Variants in LHFPL3 observed in about 807,000 individuals in gnomAD.
LHFPL3 encodes LHFPL tetraspan subfamily member 3.
A neutral mutation model predicts 19.3 loss-of-function variants in LHFPL3; 5 were observed. The ratio of observed to expected loss-of-function variants is 0.26; its 90% confidence interval spans 0.14 to 0.54. LHFPL3 has a LOEUF of 0.54. LHFPL3 is among the 20% of genes least tolerant of loss of function. The pLI is 0.94. For missense variants in LHFPL3, 249 were observed against 307.4 expected, an observed-to-expected ratio of 0.81 and a Z score of 1.42; for synonymous variants, 133 against 126.2, an observed-to-expected ratio of 1.05 and a Z score of -0.36.
At chr7:104,850,279 G>A (rs1791392830) in intron 2 of LHFPL3, among the ~76,000 whole-genome samples, 1 of 152,230 alleles carries the variant, frequency 6.6e-6, no homozygotes, top group Admixed American at 6.5e-5. Context: ...TCCAGCCTGG[G>A]CAACAAGAGT....
At chr7:104,676,073 A>G (rs1315395912) in intron 1 of LHFPL3, among the ~76,000 whole-genome samples, 2 of 152,238 alleles carry the variant, frequency 1.3e-5, no homozygotes. Flanking sequence ...TTAGAGTCCA[A>G]TTAATGAGGA....
chr7:104,474,634 T>G (rs1792972508), intron 1 of LHFPL3, among the ~76,000 whole-genome samples: 2 of 129,208 alleles, frequency 1.5e-5, no homozygotes, highest in Admixed American at 2.0e-4. Flanking sequence ...GCCTCTGCAC[T>G]CCAGCCTGGG....
rs1454991835 is a variant in LHFPL3, at chr7:104,908,212, A to G, written c.*1997A>G. On this transcript the variant is annotated 3_prime_UTR_variant, in exon 3 of 3. Coordinates refer to ENST00000424859, the MANE Select transcript of LHFPL3 (RefSeq NM_199000.3). ...AACAGTGGTATGAACAAAACTAAGA[A>G]AGTACTTCCTATCCACATGTGAATG... Among the ~76,000 whole-genome samples the G allele has an allele frequency of 6.6e-6, 1 of 152,200 alleles. No individual in the cohort carries two copies. The highest frequency in any genetic ancestry group is 1.5e-5 in the Non-Finnish European group (1 of 68,034).
chr7:104,450,393 A>G (rs1290077131), intron 1 of LHFPL3, among the ~76,000 whole-genome samples: 3 of 152,214 alleles, frequency 2.0e-5, no homozygotes, highest in African/African-American at 4.8e-5. Context: ...TCCATAGTGT[A>G]TATGTACCAC....
intron 1 of LHFPL3, among the ~76,000 whole-genome samples, chr7:104,730,523 G>T (rs1338619381): frequency 2.6e-5 from 4 of 152,112 alleles, no homozygotes; most frequent in Non-Finnish European, 2.9e-5. Flanking sequence ...TCATGTGTCT[G>T]GTGGCTGCAT....
At position 104,746,929 on chromosome 7, in the gene LHFPL3, A is replaced by T. The variant is rs145974113; in HGVS notation, c.682+10018A>T. On this transcript the variant is annotated intron_variant, in intron 2 of 2. Transcript: ENST00000424859. ...GCTGTCTCCCTTTGTTCCTAATATC[A>T]CTGAATCATCAAGGAGGCCTCATGA... is the stretch of plus-strand genomic sequence containing the variant. Among the ~76,000 whole-genome samples, 339 of 152,162 alleles carry T rather than the reference A, an allele frequency of 2.2e-3. 1 individual carries two copies. Among genetic ancestry groups the T allele is most frequent in the African/African-American group, 7.5e-3 (311 of 41,508 alleles).
At chr7:104,758,327 C>G (rs1745037582) in intron 2 of LHFPL3, among the ~76,000 whole-genome samples, 1 of 152,132 alleles carries the variant, frequency 6.6e-6, no homozygotes. Context: ...ATGTAACAAA[C>G]CTGCACATGT....
At chr7:104,379,747 AGAT>A (rs773484800) in intron 1 of LHFPL3, among the ~76,000 whole-genome samples, 43 of 152,254 alleles carry the variant, frequency 2.8e-4, no homozygotes, top group Non-Finnish European at 4.9e-4. Context: ...GGGTAAAGAG[AGAT>A]GGAGGGAAAG....
chr7:104,409,804 G>A (rs560342741), intron 1 of LHFPL3, among the ~76,000 whole-genome samples: 4 of 152,080 alleles, frequency 2.6e-5, no homozygotes, highest in Admixed American at 1.3e-4. Context: ...TTGTGTGTCT[G>A]ACAATGTCTC....
chr7:104,572,614 A>G lies in LHFPL3; in HGVS notation c.446-164061A>G, dbSNP rs188155679. 3.3e-5 allele frequency among the ~76,000 whole-genome samples: 5 copies of G among 152,266 alleles called. No homozygotes were observed. In the East Asian group the frequency reaches 9.7e-4, roughly 29 times the overall value. Reference sequence around the variant, plus strand: ...TGAAAAATGCAATCTACTGTGTTGTATATCTGCTTGATGATTTTGGAAAAG... The same window carrying G: ...TGAAAAATGCAATCTACTGTGTTGTGTATCTGCTTGATGATTTTGGAAAAG... On this transcript the variant is annotated intron_variant, in intron 1 of 2. Transcript: ENST00000424859.
At chr7:104,677,898 A>T (rs1243859287) in intron 1 of LHFPL3, among the ~76,000 whole-genome samples, 3 of 152,224 alleles carry the variant, frequency 2.0e-5, no homozygotes, top group Admixed American at 1.3e-4. Flanking sequence ...ATTTTCATTG[A>T]GTTAAATTTA....
intron 1 of LHFPL3, among the ~76,000 whole-genome samples, chr7:104,440,038 G>GT (rs71153197): frequency 0.15 from 21,658 of 140,206 alleles, 2,307 homozygotes; most frequent in African/African-American, 0.31. Flanking sequence ...CAAAGCCTGG[G>GT]GGGGGGGAGG....
At chr7:104,715,375 T>TC (rs1243829461) in intron 1 of LHFPL3, among the ~76,000 whole-genome samples, 2 of 152,224 alleles carry the variant, frequency 1.3e-5, no homozygotes, top group Non-Finnish European at 2.9e-5. Context: ...CACATTTACT[T>TC]TGAACAATTT....
At chr7:104,438,719 A>G (rs1026951303) in intron 1 of LHFPL3, among the ~76,000 whole-genome samples, 19 of 152,186 alleles carry the variant, frequency 1.2e-4, no homozygotes, top group African/African-American at 4.1e-4. Flanking sequence ...AAACAAATCC[A>G]AAAGTAAGTA....
rs576093209 is a variant in LHFPL3 at position 104,496,624 on chromosome 7, A to T, written c.445+167400A>T. Among the ~76,000 whole-genome samples the T allele has an allele frequency of 1.6e-4, 24 of 152,246 alleles. 1 individual carries two copies. The South Asian group carries it at 2.3e-3, about 15-fold the overall frequency. On this transcript the variant is annotated intron_variant, in intron 1 of 2. Transcript: ENST00000424859. ...GTTCCTATTTCTCCACATCCTCTCC[A>T]GCACCTGTTGTTTCCTGATTTTTTT...
intron 2 of LHFPL3, among the ~76,000 whole-genome samples, chr7:104,833,038 T>TTATATATAATAG (rs1554349391): frequency 4.6e-5 from 1 of 21,608 alleles, no homozygotes; most frequent in Non-Finnish European, 6.8e-5. Context: ...ATATTATATA[T>TTATATATAATAG]ATATATTATA....
intron 1 of LHFPL3, among the ~76,000 whole-genome samples, chr7:104,506,633 C>G (rs555094018): frequency 1.3e-5 from 2 of 152,324 alleles, no homozygotes; most frequent in African/African-American, 4.8e-5. Context: ...CAGGATTAAA[C>G]TCCCTATTTA....
At chr7:104,714,885 T>C (rs905188854) in intron 1 of LHFPL3, among the ~76,000 whole-genome samples, 2 of 152,194 alleles carry the variant, frequency 1.3e-5, no homozygotes, top group East Asian at 1.9e-4. Flanking sequence ...TGTGTGTGTG[T>C]GCGCATGCAC....
At chr7:104,815,684 C>T (rs1218083064) in intron 2 of LHFPL3, among the ~76,000 whole-genome samples, 1 of 152,118 alleles carries the variant, frequency 6.6e-6, no homozygotes. Context: ...CTCAGATAGC[C>T]CTTTCTTTTA....
Sources: gnomAD v4.1 joint callset for allele counts (sites outside exome capture counted in the v4.1 genomes callset) on GRCh38, gnomAD v4.1.1 for gene constraint, MANE v1.5 for transcripts, NCBI Gene and HGNC (gene_info 2026-07-23, HGNC 2026-07-21) for gene names.